PARVA: variants seen among roughly 807,000 people sequenced by gnomAD.
PARVA encodes the protein alpha-parvin.
A neutral mutation model predicts 52.6 loss-of-function variants in PARVA; 25 were observed. That is an observed-to-expected ratio of 0.48 (90% confidence interval 0.35 to 0.66). PARVA has a LOEUF of 0.66. PARVA is among the 30% of genes least tolerant of loss of function. The pLI, the probability that PARVA is intolerant of heterozygous loss-of-function variation, is 0.01. For synonymous variants in PARVA, 185 were observed against 179.1 expected (o/e 1.03, Z -0.26); for missense variants, 373 against 450.9 (o/e 0.83, Z 1.56).
At chr11:12,451,399 C>G (rs1025687247) in intron 1 of PARVA, among the ~76,000 whole-genome samples, 1 of 151,770 alleles carries the variant, frequency 6.6e-6, no homozygotes, top group Non-Finnish European at 1.5e-5. Context: ...TGGATACTCA[C>G]GTCCCTACCT....
At chr11:12,523,253 G>A (rs117660097) in intron 12 of PARVA, among the ~76,000 whole-genome samples, 2 of 152,096 alleles carry the variant, frequency 1.3e-5, no homozygotes, top group African/African-American at 2.4e-5. Context: ...GTAGAGATGC[G>A]AGACAGGATG....
chr11:12,517,095 C>T (rs1202614802), intron 10 of PARVA, among the ~76,000 whole-genome samples: 1 of 152,134 alleles, frequency 6.6e-6, no homozygotes, highest in East Asian at 1.9e-4. Flanking sequence ...CTCCCTCTGT[C>T]CCACTCTAGC....
chr11:12,380,568 A>G (rs1037385543), intron 1 of PARVA, among the ~76,000 whole-genome samples: 1 of 150,920 alleles, frequency 6.6e-6, no homozygotes, highest in Admixed American at 6.6e-5. Flanking sequence ...GATCTGCAAT[A>G]GATAGGGGCA....
chr11:12,415,462 C>T (rs1940054130), intron 1 of PARVA, among the ~76,000 whole-genome samples: 1 of 135,680 alleles, frequency 7.4e-6, no homozygotes, highest in Admixed American at 7.4e-5. Flanking sequence ...CCCACCCCAA[C>T]ATGTGCTTCA....
At chr11:12,506,358 CTTCT>C (rs1303861074) in intron 6 of PARVA, among the ~76,000 whole-genome samples, 1 of 152,094 alleles carries the variant, frequency 6.6e-6, no homozygotes, top group Non-Finnish European at 1.5e-5. Context: ...GTAAATTGCC[CTTCT>C]TTATCTTCTC....
chr11:12,474,282 C>A (rs1940975062), intron 3 of PARVA, among the ~76,000 whole-genome samples: 1 of 151,984 alleles, frequency 6.6e-6, no homozygotes, highest in Admixed American at 6.6e-5. Flanking sequence ...TTCTCAAGGA[C>A]CCTCAAAAGC....
At position 12,513,281 on chromosome 11, in the gene PARVA, T is replaced by C. The variant is rs539652359; in HGVS notation, c.737-18T>C. On this transcript the variant is annotated intron_variant, in intron 8 of 12. Coordinates refer to ENST00000334956, the MANE Select transcript of PARVA (RefSeq NM_018222.5). The stretch of plus-strand genomic sequence containing the variant: ...GGATCAGCTCTTGTGCTCCACATTG[T>C]GTTTCCCTCTTTTTCAGAACGTGAT... 1 of 1,612,724 alleles carries C rather than the reference T, an allele frequency of 6.2e-7. No homozygotes were observed. Among genetic ancestry groups the C allele is most frequent in the South Asian group, 1.1e-5 (1 of 91,050 alleles).
In PARVA at chr11:12,460,893, G is replaced by A. The variant is rs114026661; in HGVS notation, c.137-12852G>A. On this transcript the variant is annotated intron_variant, in intron 1 of 12. Transcript: ENST00000334956. ...ACCAGGTGCCTTTGCTTAGGGTTCT[G>A]CTGACAGCCTGTGGCTCCAAAACGC... is the stretch of plus-strand genomic sequence containing the variant. 4.5e-3 allele frequency among the ~76,000 whole-genome samples: 689 copies of A among 152,334 alleles called. 4 individuals carry two copies. The highest frequency in any genetic ancestry group is 0.017 in the Middle Eastern group (5 of 294).
chr11:12,391,919 G>A (rs1453367354), intron 1 of PARVA, among the ~76,000 whole-genome samples: 1 of 152,070 alleles, frequency 6.6e-6, no homozygotes, highest in Non-Finnish European at 1.5e-5. Flanking sequence ...GTGGTCTTTA[G>A]TATATTCATA....
At chr11:12,402,373 GCCAAACTCAA>G (rs1397197049) in intron 1 of PARVA, among the ~76,000 whole-genome samples, 6 of 152,198 alleles carry the variant, frequency 3.9e-5, no homozygotes, top group Non-Finnish European at 8.8e-5. Context: ...TCATCCATTG[GCCAAACTCAA>G]CCACAGTACA....
chr11:12,495,281 G>A (rs1941285703), intron 4 of PARVA, among the ~76,000 whole-genome samples: 1 of 152,148 alleles, frequency 6.6e-6, no homozygotes, highest in South Asian at 2.1e-4. Context: ...CAAATCCACA[G>A]AACCTGCATA....
intron 1 of PARVA, among the ~76,000 whole-genome samples, chr11:12,430,522 C>T (rs2134993695): frequency 6.6e-6 from 1 of 152,216 alleles, no homozygotes; most frequent in African/African-American, 2.4e-5. Context: ...CTCACACTGC[C>T]TCCAGCAGAA....
At chr11:12,451,019 G>A (rs1422990415) in intron 1 of PARVA, among the ~76,000 whole-genome samples, 1 of 152,124 alleles carries the variant, frequency 6.6e-6, no homozygotes, top group Non-Finnish European at 1.5e-5. Flanking sequence ...CAGCTATCTA[G>A]GCATCCTTCA....
chr11:12,377,758 G>C lies in PARVA; in HGVS notation c.111G>C (p.Leu37=), dbSNP rs1425540168. 6.5e-7 allele frequency: 1 copy of C among 1,531,010 alleles called. No individual in the cohort carries two copies. The highest frequency in any genetic ancestry group is 1.4e-5 in the African/African-American group (1 of 69,074). The allele number at this position is 1,531,010 out of a possible 1,614,324, so 94.8% of individuals were successfully genotyped here. The change falls in exon 1 of 13, where the codon CTG becomes CTC. Residue 37 remains leucine (L), a synonymous_variant. Coordinates refer to ENST00000334956, the MANE Select transcript of PARVA (RefSeq NM_018222.5). ...TCTTGGGGAAACTCGGAGGGACCCT[G>C]GCCCGGAGGAAGAAAGCCAAGGAGG... ...DSFLGKLGGT[L]ARRKKAKEVS... is the part of the protein sequence containing the mutation.
chr11:12,504,623 G>A (rs1163849696), intron 6 of PARVA, among the ~76,000 whole-genome samples, 194 bp downstream of exon 6: 2 of 152,190 alleles, frequency 1.3e-5, no homozygotes, highest in African/African-American at 4.8e-5. Context: ...ACACAAGATG[G>A]AAGAGCGTGT....
intron 7 of PARVA, among the ~76,000 whole-genome samples, chr11:12,510,688 G>A (rs1941493393): frequency 6.6e-6 from 1 of 152,160 alleles, no homozygotes; most frequent in African/African-American, 2.4e-5. Flanking sequence ...AAATGAGGAA[G>A]AAGCAAAAGA....
chr11:12,495,259 TA>T (rs908931287), intron 4 of PARVA, among the ~76,000 whole-genome samples: 1 of 152,282 alleles, frequency 6.6e-6, no homozygotes, highest in African/African-American at 2.4e-5. Context: ...CTGAGGTGCT[TA>T]AAAAAATTCG....
At chr11:12,432,815 T>C (rs1313717246) in intron 1 of PARVA, among the ~76,000 whole-genome samples, 1 of 152,168 alleles carries the variant, frequency 6.6e-6, no homozygotes, top group Admixed American at 6.5e-5. Context: ...ATAGCCATTG[T>C]ATTTGAACCT....
chr11:12,516,985 G>T (rs1941575738), intron 10 of PARVA, among the ~76,000 whole-genome samples: 1 of 152,100 alleles, frequency 6.6e-6, no homozygotes, highest in Admixed American at 6.5e-5. Context: ...ATGGGAGAAA[G>T]AATGCCCAGC....
Sources: allele counts gnomAD v4.1 joint callset (sites outside exome capture counted in the v4.1 genomes callset), GRCh38; gene constraint gnomAD v4.1.1; transcripts MANE v1.5; gene names NCBI Gene and HGNC (gene_info 2026-07-23, HGNC 2026-07-21).